DOCK3: variants seen among roughly 807,000 people sequenced by gnomAD.
The protein encoded by DOCK3 is dedicator of cytokinesis protein 3.
A neutral mutation model predicts 265.6 loss-of-function variants in DOCK3; 60 were observed. The observed-to-expected ratio is 0.23, with a 90% CI of 0.18 to 0.28. DOCK3 has a LOEUF of 0.28. DOCK3 is among the 10% of genes least tolerant of loss of function. The pLI is 1.00. For synonymous variants in DOCK3, 881 were observed against 938.0 expected, an observed-to-expected ratio of 0.94 and a Z score of 1.11; for missense variants, 1,981 against 2,594.3, an observed-to-expected ratio of 0.76 and a Z score of 5.14.
At position 51,017,052 on chromosome 3, in the gene DOCK3, ATTAC is replaced by A. The variant is rs769689454; in HGVS notation, c.316-47393_316-47390del. 7.5e-5 allele frequency among the ~76,000 whole-genome samples: 11 copies of A among 145,844 alleles called. No individual in the cohort carries two copies. In the East Asian group the frequency reaches 1.8e-3, roughly 23 times the overall value. On this transcript the variant is annotated intron_variant, in intron 5 of 52. Transcript: ENST00000266037. ...GGCTTTTTATTATGGCTTTGATCTT[ATTAC>A]TTGTTATTAATCTGTTCAGGTTTTG...
intron 1 of DOCK3, among the ~76,000 whole-genome samples, chr3:50,767,528 A>G (rs1425227924): frequency 6.6e-6 from 1 of 152,032 alleles, no homozygotes; most frequent in Non-Finnish European, 1.5e-5. Context: ...GTAGCCTTGT[A>G]GTATAGTTTG....
chr3:50,949,211 G>A (rs576781606), intron 5 of DOCK3, among the ~76,000 whole-genome samples: 1 of 152,306 alleles, frequency 6.6e-6, no homozygotes, highest in African/African-American at 2.4e-5. Context: ...ATATACCACA[G>A]TGAAAGTGGA....
At chr3:51,273,749 T>G (rs561383002) in intron 24 of DOCK3, among the ~76,000 whole-genome samples, 70 of 152,346 alleles carry the variant, frequency 4.6e-4, no homozygotes, top group African/African-American at 1.4e-3. Context: ...CATATGGAAC[T>G]CTTAACAAAG....
chr3:50,940,311 A>G (rs576554342), intron 5 of DOCK3, among the ~76,000 whole-genome samples: 128 of 150,642 alleles, frequency 8.5e-4, no homozygotes, highest in African/African-American at 2.8e-3. Flanking sequence ...AAAAAAAGGA[A>G]GAAGGAAAAC....
intron 3 of DOCK3, among the ~76,000 whole-genome samples, chr3:50,853,457 C>G (rs1334736369): frequency 6.6e-6 from 1 of 152,076 alleles, no homozygotes; most frequent in Non-Finnish European, 1.5e-5. Flanking sequence ...ATTTTTGCCT[C>G]TCTCCCTCCT....
At chr3:50,679,974 G>C (rs534210438) in intron 1 of DOCK3, among the ~76,000 whole-genome samples, 3 of 152,172 alleles carry the variant, frequency 2.0e-5, no homozygotes, top group Non-Finnish European at 4.4e-5. Context: ...TTAGCTGAGA[G>C]AAATTAAGTA....
At chr3:50,842,945 C>G (rs1228347121) in intron 3 of DOCK3, among the ~76,000 whole-genome samples, 1 of 152,064 alleles carries the variant, frequency 6.6e-6, no homozygotes, top group African/African-American at 2.4e-5. Flanking sequence ...GTGGTCTTGG[C>G]CACCTCCCAC....
chr3:51,127,254 A>C (rs966840688), intron 9 of DOCK3, among the ~76,000 whole-genome samples: 1 of 152,104 alleles, frequency 6.6e-6, no homozygotes, highest in Non-Finnish European at 1.5e-5. Flanking sequence ...TCTGACTCAA[A>C]TGTTAATCTC....
At chr3:51,163,402 CAA>C (rs756710608) in intron 12 of DOCK3, among the ~76,000 whole-genome samples, 2 of 127,840 alleles carry the variant, frequency 1.6e-5, no homozygotes, top group African/African-American at 2.9e-5. Context: ...AAGAAAATAG[CAA>C]AAAAAAAAAA....
intron 9 of DOCK3, among the ~76,000 whole-genome samples, chr3:51,133,461 G>A (rs2106998010): frequency 6.6e-6 from 1 of 152,034 alleles, no homozygotes; most frequent in African/African-American, 2.4e-5. Flanking sequence ...ATCGTTTCCA[G>A]CTTCATCCAC....
At chr3:50,896,090 C>T (rs1307277718) in intron 4 of DOCK3, among the ~76,000 whole-genome samples, 1 of 152,130 alleles carries the variant, frequency 6.6e-6, no homozygotes. Flanking sequence ...CTTGAGGAAT[C>T]GCCACACTGT....
At chr3:51,095,822 C>A (rs2109645461) in intron 9 of DOCK3, among the ~76,000 whole-genome samples, 1 of 111,546 alleles carries the variant, frequency 9.0e-6, no homozygotes, top group South Asian at 3.0e-4. Context: ...TTTCAAATGT[C>A]AATCCTTAAG....
chr3:51,000,618 A>G (rs1004331307), intron 5 of DOCK3, among the ~76,000 whole-genome samples: 8 of 152,112 alleles, frequency 5.3e-5, no homozygotes, highest in South Asian at 2.1e-4. Flanking sequence ...CAGTGTTTCT[A>G]TAAGGGAACA....
At chr3:50,908,996 A>C (rs186844276) in intron 4 of DOCK3, among the ~76,000 whole-genome samples, 2 of 151,672 alleles carry the variant, frequency 1.3e-5, no homozygotes, top group Non-Finnish European at 2.9e-5. Flanking sequence ...TTGATATTTG[A>C]TAATGTAAAG....
intron 7 of DOCK3, 86 bp downstream of exon 7, chr3:51,075,526 T>G: frequency 8.3e-7 from 1 of 1,198,426 alleles, no homozygotes; most frequent in Non-Finnish European, 1.2e-6. Flanking sequence ...TGAAACAACA[T>G]TGCTAAAAAT....
intron 22 of DOCK3, among the ~76,000 whole-genome samples, chr3:51,249,237 C>T (rs1454236616): frequency 2.5e-5 from 3 of 117,926 alleles, no homozygotes; most frequent in South Asian, 3.0e-4. Flanking sequence ...CCGCCCTGTC[C>T]GGGAGGTGAG....
At chr3:51,322,848 A>T (rs1241155677) in intron 32 of DOCK3, among the ~76,000 whole-genome samples, 1 of 152,186 alleles carries the variant, frequency 6.6e-6, no homozygotes, top group African/African-American at 2.4e-5. Flanking sequence ...TTTAAAAGAC[A>T]CAGACTGGCA....
At chr3:50,977,676 T>A (rs2077509603) in intron 5 of DOCK3, among the ~76,000 whole-genome samples, 1 of 152,160 alleles carries the variant, frequency 6.6e-6, no homozygotes, top group Admixed American at 6.5e-5. Context: ...ATTTCCTGAA[T>A]CTGAACGTTG....
chr3:50,901,053 A>T, intron 4 of DOCK3: 1 of 305,410 alleles, frequency 3.3e-6, no homozygotes, highest in Non-Finnish European at 6.4e-6. Flanking sequence ...GGAACATTTA[A>T]GTCTGCTGAT....
Sources: allele counts gnomAD v4.1 joint callset (sites outside exome capture counted in the v4.1 genomes callset), GRCh38; gene constraint gnomAD v4.1.1; transcripts MANE v1.5; gene names NCBI Gene and HGNC (gene_info 2026-07-23, HGNC 2026-07-21).